U2AF2: variants seen among roughly 807,000 people sequenced by gnomAD.
U2AF2 encodes the protein U2 small nuclear RNA auxiliary factor 2.
U2AF2 carries 6 observed loss-of-function variants against 52.6 expected under a neutral mutation model. The observed-to-expected ratio is 0.11, with a 90% CI of 0.06 to 0.23. The LOEUF is 0.23. Ranked by LOEUF, U2AF2 falls within the 10% of genes least tolerant of loss-of-function variation. The pLI is 1.00. For missense variants in U2AF2, 222 were observed against 677.1 expected (o/e 0.33, Z 7.46); for synonymous variants, 284 against 258.2 (o/e 1.10, Z -0.96).
At chr19:55,663,816 C>T (rs1030489908) in intron 7 of U2AF2, 72 bp downstream of exon 7, 12 of 1,589,672 alleles carry the variant, frequency 7.5e-6, no homozygotes, top group Non-Finnish European at 1.0e-5. Context: ...TCCCTTCAGC[C>T]CAGCTGGAGT....
intron 7 of U2AF2, among the ~76,000 whole-genome samples, chr19:55,664,210 A>G (rs997610422): frequency 2.6e-5 from 4 of 152,246 alleles, no homozygotes; most frequent in Admixed American, 2.0e-4. Context: ...GCCATTCCCC[A>G]TAGCTGTGTT....
intron 1 of U2AF2, among the ~76,000 whole-genome samples, chr19:55,655,513 T>G (rs581023): frequency 0.98 from 149,813 of 152,394 alleles, 73,649 homozygotes; most frequent in African/African-American, 1. Flanking sequence ...ATTATGTTAG[T>G]CCCCGTAATC....
Position 55,661,212 on chromosome 19 carries a change from A to G in U2AF2, c.486+23A>G, listed in dbSNP as rs538797912. 4 of 1,536,518 alleles carry G rather than the reference A, an allele frequency of 2.6e-6. No homozygotes were observed. In the South Asian group the frequency reaches 3.6e-5, roughly 14 times the overall value. On this transcript the variant is annotated intron_variant, in intron 5 of 11. Coordinates refer to ENST00000308924, the MANE Select transcript of U2AF2 (RefSeq NM_007279.3). ...GAGGTACTGCCCTCCCCTGCCCCCTACCCTCTCCCTTGTCCCTCTACCCCG... is the reference window on the plus strand; with the variant it reads ...GAGGTACTGCCCTCCCCTGCCCCCTGCCCTCTCCCTTGTCCCTCTACCCCG...
chr19:55,659,016 TC>T, intron 1 of U2AF2, 193 bp from the exon 2 acceptor site: 2 of 834,138 alleles, frequency 2.4e-6, no homozygotes, highest in South Asian at 4.8e-5. Context: ...CCAGGCCCCG[TC>T]CCCCTGGTCC....
chr19:55,673,329 T>C (rs1985047672), intron 11 of U2AF2, among the ~76,000 whole-genome samples: 2 of 151,996 alleles, frequency 1.3e-5, no homozygotes, highest in South Asian at 4.2e-4. Flanking sequence ...CCTCTTTTTT[T>C]TTTTTGCAAG....
chr19:55,655,234 C>G (rs1271715145), intron 1 of U2AF2, 81 bp downstream of exon 1: 1 of 1,467,436 alleles, frequency 6.8e-7, no homozygotes, highest in South Asian at 1.2e-5. Context: ...TTCTCCCTCG[C>G]TTCCCCCCAC....
intron 1 of U2AF2, among the ~76,000 whole-genome samples, chr19:55,656,048 G>C (rs1983774428): frequency 6.6e-6 from 1 of 152,222 alleles, no homozygotes; most frequent in African/African-American, 2.4e-5. Flanking sequence ...CACTTACGGG[G>C]AAGGTGGGAG....
chr19:55,659,636 A>T (rs1482449094), intron 2 of U2AF2, among the ~76,000 whole-genome samples: 1 of 150,908 alleles, frequency 6.6e-6, no homozygotes, highest in East Asian at 2.0e-4. Flanking sequence ...TTTCCTTCAC[A>T]AGGGGTTGTT....
At position 55,672,753 on chromosome 19, in the gene U2AF2, G is replaced by C. The variant is rs527814200; in HGVS notation, c.1294-1181G>C. ...AATTTTTTTTTTTTTTTTTGAGACAGAGTCTCGCTGTTGCCCAGGCTGGAG... is the reference window on the plus strand; with the variant it reads ...AATTTTTTTTTTTTTTTTTGAGACACAGTCTCGCTGTTGCCCAGGCTGGAG... On this transcript the variant is annotated intron_variant, in intron 11 of 11. Coordinates refer to ENST00000308924, the MANE Select transcript of U2AF2 (RefSeq NM_007279.3). Among the ~76,000 whole-genome samples the C allele has an allele frequency of 4.1e-5, 6 of 144,744 alleles. No individual in the cohort carries two copies. In the South Asian group the frequency reaches 1.1e-3, roughly 26 times the overall value. 95.0% of individuals were successfully genotyped at this position (144,744 alleles called of 152,430 possible). A position where few individuals can be genotyped will look rare whatever the true frequency, so the allele number is the denominator to read the frequency against.
At chr19:55,655,183 T>TGTG in intron 1 of U2AF2, 30 bp downstream of exon 1, 1 of 1,593,208 alleles carries the variant, frequency 6.3e-7, no homozygotes, top group Non-Finnish European at 8.5e-7. Context: ...GGGGCGGAGG[T>TGTG]GTGGGCGGCT....
Position 55,668,744 on chromosome 19 carries a change from C to T in U2AF2, c.897C>T (p.Ser299=). 1 of 1,613,878 alleles carries T rather than the reference C, an allele frequency of 6.2e-7. No homozygotes were observed. The highest frequency in any genetic ancestry group is 8.5e-7 in the Non-Finnish European group (1 of 1,179,864). ...NLVKDSATGL[S]KGYAFCEYVD... ...TCAAGGACAGTGCCACGGGGCTCTC[C>T]AAGGGCTACGCCTTCTGTGAGTACG... Residue 299 remains serine (S), a synonymous_variant, in exon 9 of 12, where the codon TCC becomes TCT. Transcript: ENST00000308924. The surrounding 1 kb of genome is among the most constrained non-coding windows in gnomAD (Gnocchi z 5.5).
intron 11 of U2AF2, among the ~76,000 whole-genome samples, chr19:55,673,529 T>TC (rs1985064426): frequency 6.6e-6 from 1 of 152,206 alleles, no homozygotes; most frequent in African/African-American, 2.4e-5. Flanking sequence ...TTTCTGAGCT[T>TC]CCCTTAGTTC....
intron 6 of U2AF2, among the ~76,000 whole-genome samples, 189 bp from the exon 7 acceptor site, chr19:55,663,417 A>G (rs778824955): frequency 7.9e-5 from 12 of 152,036 alleles, no homozygotes; most frequent in Non-Finnish European, 1.3e-4. Flanking sequence ...GGTGTTTTTA[A>G]TGGTCGAGTG....
chr19:55,660,125 A>G lies in U2AF2; in HGVS notation c.186-52A>G, dbSNP rs375202503. On this transcript the variant is annotated intron_variant, in intron 2 of 11. Coordinates refer to ENST00000308924, the MANE Select transcript of U2AF2 (RefSeq NM_007279.3). ...CTTGGGGGGGTGTGGCATGTGGGGA[A>G]GACGAGGGTCCCCAGTCACCCCTCC... is the stretch of plus-strand genomic sequence containing the variant. 3 of 1,559,884 alleles carry G rather than the reference A, an allele frequency of 1.9e-6. No individual in the cohort carries two copies. The African/African-American group carries it at 4.1e-5, about 21-fold the overall frequency.
At chr19:55,673,715 C>T (rs1014143001) in intron 11 of U2AF2, among the ~76,000 whole-genome samples, 6 of 152,228 alleles carry the variant, frequency 3.9e-5, no homozygotes, top group Non-Finnish European at 7.3e-5. Context: ...TTCTTTCTCC[C>T]TCTCCATGCC....
Position 55,662,546 on chromosome 19 carries a change from G to T in U2AF2, c.531G>T (p.Gly177=), listed in dbSNP as rs755659819. The change falls in exon 6 of 12, where the codon GGG becomes GGT. Residue 177 remains glycine (G), a synonymous_variant. Transcript: ENST00000308924. ...TCAACGCCCAGATGCGCCTGGGGGG[G>T]CTGACCCAGGCCCCTGGCAACCCAG... The part of the protein sequence containing the change: ...DFFNAQMRLG[G]LTQAPGNPVL... 9.9e-6 allele frequency: 16 copies of T among 1,612,932 alleles called. No individual in the cohort carries two copies. The African/African-American group carries it at 1.9e-4, about 19-fold the overall frequency.
chr19:55,664,262 G>A (rs1174186948), intron 7 of U2AF2, among the ~76,000 whole-genome samples: 2 of 152,256 alleles, frequency 1.3e-5, no homozygotes, highest in Non-Finnish European at 2.9e-5. Context: ...CAGACCAGGG[G>A]TTGGCGACCA....
Position 55,668,982 on chromosome 19 carries a change from T to C in U2AF2, c.946-101T>C, listed in dbSNP as rs1013975207. On this transcript the variant is annotated intron_variant, in intron 9 of 11. Coordinates refer to ENST00000308924, the MANE Select transcript of U2AF2 (RefSeq NM_007279.3). The surrounding 1 kb of genome is among the most constrained non-coding windows in gnomAD (Gnocchi z 5.5). Reference sequence around the variant, plus strand: ...GCTCTTAATCCCCTTTGCCTTCCCCTCTTCCCCCACCAATGCCCCGGCTTG... The same window carrying C: ...GCTCTTAATCCCCTTTGCCTTCCCCCCTTCCCCCACCAATGCCCCGGCTTG... 3 of 1,496,278 alleles carry C rather than the reference T, an allele frequency of 2.0e-6. No homozygotes were observed. The highest frequency in any genetic ancestry group is 2.8e-5 in the African/African-American group (2 of 72,528). The allele number at this position is 1,496,278 out of a possible 1,614,324, so 92.7% of individuals were successfully genotyped here.
At chr19:55,663,484 G>C in intron 6 of U2AF2, 122 bp from the exon 7 acceptor site, 1 of 1,446,028 alleles carries the variant, frequency 6.9e-7, no homozygotes, top group South Asian at 1.4e-5. Flanking sequence ...CCCAGCCTGG[G>C]GCCTGGCATG....
Sources: allele counts gnomAD v4.1 joint callset (sites outside exome capture counted in the v4.1 genomes callset), GRCh38; gene constraint gnomAD v4.1.1; non-coding constraint Gnocchi (gnomAD v3.1); transcripts MANE v1.5; gene names NCBI Gene and HGNC (gene_info 2026-07-23, HGNC 2026-07-21).